Variants in CACNA2D2 observed in about 807,000 individuals in gnomAD.
CACNA2D2 encodes voltage-dependent calcium channel subunit alpha-2/delta-2.
CACNA2D2 carries 48 observed loss-of-function variants against 166.4 expected under a neutral mutation model. The observed-to-expected ratio is 0.29, with a 90% CI of 0.23 to 0.37. The LOEUF is 0.37. CACNA2D2 is among the 10% of genes least tolerant of loss of function. The pLI is 1.00. For missense variants in CACNA2D2, 1,122 were observed against 1,433.0 expected (o/e 0.78, Z 3.50); for synonymous variants, 561 against 573.7 (o/e 0.98, Z 0.32).
At position 50,366,045 on chromosome 3, in the gene CACNA2D2, C is replaced by T. The variant is rs1472519630; in HGVS notation, c.2828G>A (p.Gly943Asp). 6.2e-7 allele frequency: 1 copy of T among 1,613,332 alleles called. No individual in the cohort carries two copies. The highest frequency in any genetic ancestry group is 1.1e-5 in the South Asian group (1 of 91,056). ...ACCCCGGGGTGCAGCACCCAGGTTG[C>T]CAGGGGGCTGAGGGGCACAGGCTGC... The part of the protein sequence containing the change: ...YQAACAPQPP[G>D]NLGAAPRGVF... Residue 943 changes from glycine (G) to aspartate (D), a missense_variant, in exon 32 of 38, where the codon GGC (glycine) becomes GAC (aspartate). Physicochemically the swap from Gly to Asp is moderately conservative, Grantham distance 94. Transcript: ENST00000424201. The surrounding 1 kb of genome is among the most constrained non-coding windows in gnomAD (Gnocchi z 5.9).
At chr3:50,401,534 G>A (rs1227561990) in intron 3 of CACNA2D2, among the ~76,000 whole-genome samples, 1 of 152,136 alleles carries the variant, frequency 6.6e-6, no homozygotes, top group Non-Finnish European at 1.5e-5. Flanking sequence ...CAGCCAGGGT[G>A]GGGAGCCTGG....
In CACNA2D2 at chr3:50,364,406, G is replaced by A. The variant is rs1045413424; in HGVS notation, c.*260C>T. 2.1e-6 allele frequency: 1 copy of A among 482,716 alleles called. No homozygotes were observed. Among genetic ancestry groups the A allele is most frequent in the Non-Finnish European group, 3.6e-6 (1 of 276,784 alleles). The allele number at this position is 482,716 out of a possible 1,614,324, so 29.9% of individuals were successfully genotyped here. On this transcript the variant is annotated 3_prime_UTR_variant, in exon 38 of 38. Transcript: ENST00000424201. ...GTGGCCTCCCTGTCCCATCCCACTG[G>A]GGGGAGCCCAGCAGGCAAGAAGGGT...
intron 2 of CACNA2D2, among the ~76,000 whole-genome samples, chr3:50,446,134 T>C (rs983825504): frequency 6.6e-6 from 1 of 152,232 alleles, no homozygotes; most frequent in Non-Finnish European, 1.5e-5. Context: ...CTAAGTTAAG[T>C]GTGCTATGCT....
intron 23 of CACNA2D2, among the ~76,000 whole-genome samples, chr3:50,369,815 C>A (rs587594347): frequency 6.6e-6 from 1 of 152,360 alleles, no homozygotes; most frequent in South Asian, 2.1e-4. Context: ...AGCCCCCACT[C>A]TCCTCCCCCA....
intron 6 of CACNA2D2, among the ~76,000 whole-genome samples, chr3:50,382,410 G>T (rs138129071): frequency 1.8e-4 from 27 of 152,272 alleles, no homozygotes; most frequent in African/African-American, 6.0e-4. Context: ...CCTCTGCTCC[G>T]GCCCTGGGGC....
rs945068390 is a variant in CACNA2D2, at chr3:50,379,932, C to G, written c.893+36G>C. 30 of 1,613,836 alleles carry G rather than the reference C, an allele frequency of 1.9e-5. No individual in the cohort carries two copies. The highest frequency in any genetic ancestry group is 2.4e-5 in the Non-Finnish European group (28 of 1,179,994). On this transcript the variant is annotated intron_variant, in intron 9 of 37. Transcript: ENST00000424201. The surrounding 1 kb of genome is among the most constrained non-coding windows in gnomAD (Gnocchi z 6.5). ...GCAGAGTCTAGCCCATTGCCCGTCC[C>G]TGCCCCAGCCCCACTTGCCAGCACT...
chr3:50,414,518 G>GC (rs1026656708), intron 3 of CACNA2D2, among the ~76,000 whole-genome samples: 5 of 151,968 alleles, frequency 3.3e-5, no homozygotes, highest in African/African-American at 1.2e-4. Flanking sequence ...GGACAGGGCA[G>GC]CCCCCCTTCC....
chr3:50,491,620 C>T (rs1368634001), intron 1 of CACNA2D2, among the ~76,000 whole-genome samples: 1 of 152,160 alleles, frequency 6.6e-6, no homozygotes, highest in Non-Finnish European at 1.5e-5. Flanking sequence ...GACTGCCCTG[C>T]CTGACTACTC....
chr3:50,422,340 TC>T (rs1401298499), intron 3 of CACNA2D2, among the ~76,000 whole-genome samples: 1 of 151,936 alleles, frequency 6.6e-6, no homozygotes, highest in Non-Finnish European at 1.5e-5. Context: ...TCCACTCCAC[TC>T]CCCCAGGTTG....
intron 1 of CACNA2D2, among the ~76,000 whole-genome samples, chr3:50,500,517 A>G (rs1370914477): frequency 1.3e-5 from 2 of 152,122 alleles, no homozygotes; most frequent in African/African-American, 4.8e-5. Flanking sequence ...GAGGGAGGGA[A>G]AGACACAAGG....
rs1261980826 is a variant in CACNA2D2, at chr3:50,476,205, T to C, written c.207-6A>G. ...GCCGGGCCCAGTGCTGCATCCTGTA[T>C]GCAGAGAGAGGAGAGAGGTGTCAGG... is the stretch of plus-strand genomic sequence containing the variant. On this transcript the variant is annotated splice_polypyrimidine_tract_variant and splice_region_variant and intron_variant, in intron 1 of 37. Transcript: ENST00000424201. 5 of 1,582,102 alleles carry C rather than the reference T, an allele frequency of 3.2e-6. No individual in the cohort carries two copies. The highest frequency in any genetic ancestry group is 2.3e-5 in the East Asian group (1 of 43,442).
At chr3:50,385,597 CTT>C (rs57252613) in intron 5 of CACNA2D2, among the ~76,000 whole-genome samples, 34,786 of 152,138 alleles carry the variant, frequency 0.23, 4,728 homozygotes, top group South Asian at 0.45. Flanking sequence ...GGCAGACACT[CTT>C]TTCATCTCTT....
intron 3 of CACNA2D2, chr3:50,415,830 G>C (rs577055688): frequency 3.3e-5 from 5 of 152,284 alleles, no homozygotes; most frequent in Non-Finnish European, 7.3e-5. Flanking sequence ...TCCAGTGCAT[G>C]AGAAAGGAAT....
Position 50,367,243 on chromosome 3 carries a change from G to T in CACNA2D2, c.2402-134C>A. The T allele has an allele frequency of 1.0e-6, 1 of 982,458 alleles. No homozygotes were observed. Among genetic ancestry groups the T allele is most frequent in the Non-Finnish European group, 1.6e-6 (1 of 634,112 alleles). 60.9% of individuals were successfully genotyped at this position (982,458 alleles called of 1,614,324 possible). On this transcript the variant is annotated intron_variant, in intron 27 of 37. Transcript: ENST00000424201. The surrounding 1 kb of genome is among the most constrained non-coding windows in gnomAD (Gnocchi z 6.5). ...GCACCCAGCACTCAGGACAGTGTTTGGCACAGTCTATCCCTCTTTTCACGT... is the reference window on the plus strand; with the variant it reads ...GCACCCAGCACTCAGGACAGTGTTTTGCACAGTCTATCCCTCTTTTCACGT...
intron 3 of CACNA2D2, among the ~76,000 whole-genome samples, chr3:50,409,706 A>G (rs951536836): frequency 2.6e-5 from 4 of 152,172 alleles, no homozygotes; most frequent in African/African-American, 9.7e-5. Flanking sequence ...GGAAGGTTGA[A>G]CCTGGGCTGT....
rs1553725630 is a variant in CACNA2D2 at position 50,365,748 on chromosome 3, TCTC to T, written c.2915+59_2915+61del. Reference sequence around the variant, plus strand: ...GCAGAGGACGATGCCATGCCCTACTTCTCTTCTGAGCCCTCCCGGCCAGGGAGC... The same window carrying T: ...GCAGAGGACGATGCCATGCCCTACTTTTCTGAGCCCTCCCGGCCAGGGAGC... On this transcript the variant is annotated intron_variant, in intron 33 of 37. Transcript: ENST00000424201. The surrounding 1 kb of genome is among the most constrained non-coding windows in gnomAD (Gnocchi z 4.5). 6.2e-7 allele frequency: 1 copy of T among 1,608,802 alleles called. No homozygotes were observed. Among genetic ancestry groups the T allele is most frequent in the Non-Finnish European group, 8.5e-7 (1 of 1,177,812 alleles).
At chr3:50,450,388 C>T (rs929355284) in intron 2 of CACNA2D2, among the ~76,000 whole-genome samples, 10 of 150,474 alleles carry the variant, frequency 6.6e-5, no homozygotes, top group Non-Finnish European at 1.0e-4. Context: ...ACCCGCCACT[C>T]TCTCCCAGGA....
chr3:50,378,672 C>T (rs994908158), intron 13 of CACNA2D2, among the ~76,000 whole-genome samples: 5 of 152,186 alleles, frequency 3.3e-5, no homozygotes, highest in African/African-American at 7.2e-5. Flanking sequence ...AGCAAACAGA[C>T]GCAGGAGTAG....
intron 1 of CACNA2D2, 51 bp from the exon 2 acceptor site, chr3:50,476,250 A>T (rs1185223693): frequency 6.8e-7 from 1 of 1,468,010 alleles, no homozygotes; most frequent in Non-Finnish European, 9.3e-7. Flanking sequence ...CCAGAGCTGC[A>T]CAGCCCCACC....
Sources: gnomAD v4.1 joint callset for allele counts (sites outside exome capture counted in the v4.1 genomes callset) on GRCh38, gnomAD v4.1.1 for gene constraint, Gnocchi (gnomAD v3.1) non-coding constraint, MANE v1.5 for transcripts, NCBI Gene and HGNC (gene_info 2026-07-23, HGNC 2026-07-21) for gene names.